SV2C: variants seen among roughly 807,000 people sequenced by gnomAD.
SV2C encodes the protein solute carrier family 22 member B3.
Under a neutral mutation model 79.7 loss-of-function variants are expected in SV2C, and 49 were observed. The ratio of observed to expected loss-of-function variants is 0.61; its 90% CI spans 0.49 to 0.78. The LOEUF (loss-of-function observed/expected upper bound fraction) is 0.78. Ranked by LOEUF, SV2C falls within the 30% of genes least tolerant of loss-of-function variation. The pLI is 0.00. For missense variants in SV2C, 833 were observed against 912.9 expected (o/e 0.91, Z 1.13); for synonymous variants, 334 against 333.2 (o/e 1.00, Z -0.03).
the SV2C span, among the ~76,000 whole-genome samples, chr5:75,861,811 A>G: frequency 3.9e-5 from 6 of 152,172 alleles, no homozygotes; most frequent in African/African-American, 1.2e-4. Flanking sequence ...ACTGAGGACT[A>G]CTAGAAGGGG....
chr5:76,333,300 T>C lies in SV2C; in HGVS notation c.*7753T>C, dbSNP rs1254930576. On this transcript the variant is annotated 3_prime_UTR_variant, in exon 13 of 13. Coordinates refer to ENST00000502798, the MANE Select transcript of SV2C (RefSeq NM_014979.4). ...TTTTTTAATATACACTTTCTTAGCA[T>C]CCATGCAGTTATGTATCCTCATCCT... The C allele has an allele frequency of 6.6e-6, 1 of 152,232 alleles. No homozygotes were observed. The highest frequency in any genetic ancestry group is 2.4e-5 in the African/African-American group (1 of 41,462). The allele number at this position is 152,232 out of a possible 1,614,324, so 9.4% of individuals were successfully genotyped here.
intron 4 of SV2C, among the ~76,000 whole-genome samples, chr5:76,228,478 C>G (rs1419952931): frequency 4.6e-5 from 7 of 152,080 alleles, no homozygotes; most frequent in Non-Finnish European, 7.4e-5. Flanking sequence ...CAGGAAGGCT[C>G]AGCAGGAGGG....
chr5:75,903,381 A>ATT, the SV2C span, among the ~76,000 whole-genome samples: 2 of 142,706 alleles, frequency 1.4e-5, no homozygotes, highest in Admixed American at 6.7e-5. Context: ...TTTTTTTTAA[A>ATT]AAAAAAAGAA....
chr5:75,995,798 C>T, the SV2C span, among the ~76,000 whole-genome samples: 1 of 152,058 alleles, frequency 6.6e-6, no homozygotes, highest in Admixed American at 6.6e-5. Flanking sequence ...TTCCAAATCC[C>T]CATAGAATAA....
the SV2C span, among the ~76,000 whole-genome samples, chr5:75,852,704 T>C: frequency 6.6e-6 from 1 of 151,890 alleles, no homozygotes; most frequent in Admixed American, 6.6e-5. Context: ...CAGGTGCCTG[T>C]AGTCCCAGCT....
At chr5:76,310,090 G>C (rs1295082397) in intron 12 of SV2C, among the ~76,000 whole-genome samples, 1 of 152,118 alleles carries the variant, frequency 6.6e-6, no homozygotes, top group Admixed American at 6.5e-5. Context: ...CCTGTGCCAG[G>C]AACTATTTTA....
chr5:76,183,031 T>TC (rs1554038436), intron 2 of SV2C, among the ~76,000 whole-genome samples: 1,809 of 9,248 alleles, frequency 0.2, 254 homozygotes, highest in African/African-American at 0.47. Context: ...GAACCTACCA[T>TC]TTTTTTTTTT....
chr5:75,962,180 G>A, the SV2C span, among the ~76,000 whole-genome samples: 1 of 152,118 alleles, frequency 6.6e-6, no homozygotes, highest in Admixed American at 6.6e-5. Flanking sequence ...ATTATTCTGA[G>A]CCAATGCTAA....
At chr5:75,897,130 T>C in the SV2C span, among the ~76,000 whole-genome samples, 38 of 150,130 alleles carry the variant, frequency 2.5e-4, no homozygotes, top group African/African-American at 9.0e-4. Flanking sequence ...GTTTTAGACA[T>C]GAAGTCCTTG....
chr5:76,284,262 T>A (rs1340342800), intron 4 of SV2C, among the ~76,000 whole-genome samples: 1 of 151,830 alleles, frequency 6.6e-6, no homozygotes, highest in Non-Finnish European at 1.5e-5. Context: ...ATTATGCTTA[T>A]TTTTCTATTA....
the SV2C span, among the ~76,000 whole-genome samples, chr5:75,885,681 C>T: frequency 2.0e-5 from 3 of 152,150 alleles, no homozygotes; most frequent in African/African-American, 7.2e-5. Flanking sequence ...TCCCAAGTAG[C>T]TGGGACTACA....
intron 10 of SV2C, among the ~76,000 whole-genome samples, chr5:76,300,512 G>A (rs1402436826): frequency 6.6e-6 from 1 of 152,046 alleles, no homozygotes; most frequent in East Asian, 1.9e-4. Context: ...CCTTTATTCA[G>A]CAAAGGTATC....
chr5:76,053,612 C>G, the SV2C span, among the ~76,000 whole-genome samples: 1 of 152,078 alleles, frequency 6.6e-6, no homozygotes, highest in South Asian at 2.1e-4. Flanking sequence ...ATCAGTAGTT[C>G]CGGTTTGGAG....
At chr5:76,297,729 T>C (rs1375725027) in intron 9 of SV2C, among the ~76,000 whole-genome samples, 1 of 152,208 alleles carries the variant, frequency 6.6e-6, no homozygotes, top group Admixed American at 6.5e-5. Flanking sequence ...ATGTGCATTT[T>C]GAACCAACAC....
intron 2 of SV2C, among the ~76,000 whole-genome samples, chr5:76,171,709 T>C (rs1249183526): frequency 3.2e-5 from 3 of 92,390 alleles, no homozygotes; most frequent in Non-Finnish European, 6.5e-5. Context: ...GGGAGGGAGG[T>C]GGGGGGGTCA....
the SV2C span, among the ~76,000 whole-genome samples, chr5:75,959,934 A>T: frequency 0.16 from 25,054 of 152,020 alleles, 2,176 homozygotes; most frequent in Middle Eastern, 0.21. Flanking sequence ...CAAAATTTGT[A>T]GTAATGTTTC....
intron 4 of SV2C, among the ~76,000 whole-genome samples, chr5:76,282,527 AT>A (rs1232451424): frequency 6.6e-6 from 1 of 152,204 alleles, no homozygotes; most frequent in African/African-American, 2.4e-5. Flanking sequence ...TGTTTTTGTG[AT>A]TGTCTATTGT....
At chr5:75,926,027 T>C in the SV2C span, among the ~76,000 whole-genome samples, 1 of 152,020 alleles carries the variant, frequency 6.6e-6, no homozygotes, top group Admixed American at 6.5e-5. Context: ...TGAACTTTTT[T>C]AAAGTTTCAG....
At chr5:76,245,911 A>AGTGTGTGTGTGTGTGTGTGTGT (rs58481475) in intron 4 of SV2C, among the ~76,000 whole-genome samples, 1 of 145,294 alleles carries the variant, frequency 6.9e-6, no homozygotes, top group Non-Finnish European at 1.5e-5. Flanking sequence ...GAGGCAGGGG[A>AGTGTGTGTGTGTGTGTGTGTGT]GTGTGTGTGT....
Sources: gnomAD v4.1 joint callset for allele counts (sites outside exome capture counted in the v4.1 genomes callset) on GRCh38, gnomAD v4.1.1 for gene constraint, MANE v1.5 for transcripts, NCBI Gene and HGNC (gene_info 2026-07-23, HGNC 2026-07-21) for gene names.